CACFD1: variants seen among roughly 807,000 people sequenced by gnomAD.
CACFD1 encodes calcium channel flower domain containing 1.
In CACFD1, 26 loss-of-function variants were observed where a neutral mutation model predicts 21.3. That is an observed-to-expected ratio of 1.22 (90% CI 0.89 to 1.69). The LOEUF (loss-of-function observed/expected upper bound fraction) is 1.69, where lower values mean the gene tolerates loss of function less well. Ranked by LOEUF, CACFD1 falls within the 40% of genes most tolerant of loss-of-function variation. The pLI, the probability that CACFD1 is intolerant of heterozygous loss-of-function variation, is 0.00. For synonymous variants in CACFD1, 121 were observed against 106.6 expected, an observed-to-expected ratio of 1.13 and a Z score of -0.83; for missense variants, 265 against 236.2, an observed-to-expected ratio of 1.12 and a Z score of -0.80.
At chr9:133,460,471 C>G (rs868479457) in intron 1 of CACFD1, among the ~76,000 whole-genome samples, 1 of 125,892 alleles carries the variant, frequency 7.9e-6, no homozygotes, top group African/African-American at 2.9e-5. Context: ...GGCGGGGGGG[C>G]GGCGGGGGCG....
In CACFD1 at chr9:133,468,846, T is replaced by C. The variant is rs759338704; in HGVS notation, c.*193T>C. Reference sequence around the variant, plus strand: ...TGGCTGCTGGTGTGAGGGTCTGGGCTGCTGGACTTGAGGCAGAGCCTGCAG... The same window carrying C: ...TGGCTGCTGGTGTGAGGGTCTGGGCCGCTGGACTTGAGGCAGAGCCTGCAG... On this transcript the variant is annotated 3_prime_UTR_variant, in exon 5 of 5. Transcript: ENST00000316948. The C allele has an allele frequency of 1.4e-4, 136 of 959,588 alleles. 2 individuals carry two copies. The highest frequency in any genetic ancestry group is 1.8e-4 in the Non-Finnish European group (119 of 673,514). 59.4% of individuals were successfully genotyped at this position (959,588 alleles called of 1,614,324 possible). A position where few individuals can be genotyped will look rare whatever the true frequency, so the allele number is the denominator to read the frequency against.
At chr9:133,466,048 A>G (rs1843423553) in intron 3 of CACFD1, among the ~76,000 whole-genome samples, 1 of 152,180 alleles carries the variant, frequency 6.6e-6, no homozygotes, top group East Asian at 1.9e-4. Flanking sequence ...TGGCAGCTGT[A>G]TTCATTATTG....
intron 2 of CACFD1, among the ~76,000 whole-genome samples, chr9:133,464,593 G>A (rs1843357087): frequency 6.6e-6 from 1 of 152,142 alleles, no homozygotes; most frequent in African/African-American, 2.4e-5. Context: ...TTTCTCCCAG[G>A]CCTGGGGACA....
intron 4 of CACFD1, 113 bp downstream of exon 4, chr9:133,468,141 G>A (rs1039137159): frequency 6.7e-6 from 7 of 1,047,528 alleles, no homozygotes; most frequent in Non-Finnish European, 9.7e-6. Context: ...GACCGAGGCA[G>A]AGGTCCCAGT....
At position 133,465,465 on chromosome 9, in the gene CACFD1, A is replaced by G. The variant is rs782674226; in HGVS notation, c.320+18A>G. On this transcript the variant is annotated intron_variant, in intron 3 of 4. Coordinates refer to ENST00000316948, the MANE Select transcript of CACFD1 (RefSeq NM_017586.5). The surrounding 1 kb of genome is among the most constrained non-coding windows in gnomAD (Gnocchi z 5.0). Reference sequence around the variant, plus strand: ...TACTGCGGGTGAGGGGTTGCTGGGCAGGGTCCCGTGACACAGTTCCCCAAA... The same window carrying G: ...TACTGCGGGTGAGGGGTTGCTGGGCGGGGTCCCGTGACACAGTTCCCCAAA... 1.9e-6 allele frequency: 3 copies of G among 1,595,574 alleles called. No homozygotes were observed. Among genetic ancestry groups the G allele is most frequent in the East Asian group, 4.5e-5 (2 of 44,702 alleles).
In CACFD1 at chr9:133,465,231, G is replaced by C; in HGVS notation, c.195-91G>C. ...GGGATGAGGGCAGGAGGGTGAGGGA[G>C]GTGGCATTCCTTATGGCACTGGCAC... On this transcript the variant is annotated intron_variant, in intron 2 of 4. Coordinates refer to ENST00000316948, the MANE Select transcript of CACFD1 (RefSeq NM_017586.5). This position sits in a 1 kb window ranked among gnomAD's most constrained non-coding sequence, Gnocchi z 5.0. 1 of 1,447,760 alleles carries C rather than the reference G, an allele frequency of 6.9e-7. No homozygotes were observed. Among genetic ancestry groups the C allele is most frequent in the South Asian group, 1.1e-5 (1 of 87,442 alleles). The allele number at this position is 1,447,760 out of a possible 1,614,324, so 89.7% of individuals were successfully genotyped here.
At position 133,465,798 on chromosome 9, in the gene CACFD1, T is replaced by A. The variant is rs1423773540; in HGVS notation, c.320+351T>A. The A allele has an allele frequency of 2.0e-5, 4 of 201,800 alleles. No homozygotes were observed. The highest frequency in any genetic ancestry group is 9.3e-5 in the African/African-American group (4 of 42,846). 12.5% of individuals were successfully genotyped at this position (201,800 alleles called of 1,614,324 possible). A position where few individuals can be genotyped will look rare whatever the true frequency, so the allele number is the denominator to read the frequency against. ...TGATAGTAGGTCTGTAGGACATGTT[T>A]CTCTGCAGCCTTTCCGAAGAGTGGG... is the stretch of plus-strand genomic sequence containing the variant. On this transcript the variant is annotated intron_variant, in intron 3 of 4. Coordinates refer to ENST00000316948, the MANE Select transcript of CACFD1 (RefSeq NM_017586.5). This position sits in a 1 kb window ranked among gnomAD's most constrained non-coding sequence, Gnocchi z 5.0.
intron 3 of CACFD1, 67 bp from the exon 4 acceptor site, chr9:133,467,853 TG>T: frequency 8.5e-7 from 1 of 1,180,994 alleles, no homozygotes. Flanking sequence ...GGGCCGAGTC[TG>T]GGAAGCGGGG....
chr9:133,460,193 T>C lies in CACFD1; in HGVS notation c.121+6T>C, dbSNP rs1164646713. On this transcript the variant is annotated splice_donor_region_variant and intron_variant, in intron 1 of 4. Coordinates refer to ENST00000316948, the MANE Select transcript of CACFD1 (RefSeq NM_017586.5). Reference sequence around the variant, plus strand: ...TGGGGTGCTGGGGGCAGTCTGTGAGTATCCAGTCGGGGAGAGGGGCCGGCC... The same window carrying C: ...TGGGGTGCTGGGGGCAGTCTGTGAGCATCCAGTCGGGGAGAGGGGCCGGCC... 1.3e-6 allele frequency: 2 copies of C among 1,534,464 alleles called. No homozygotes were observed. The highest frequency in any genetic ancestry group is 1.2e-5 in the South Asian group (1 of 82,912).
Position 133,463,699 on chromosome 9 carries a change from C to T in CACFD1, c.194+144C>T, listed in dbSNP as rs782170880. The stretch of plus-strand genomic sequence containing the variant: ...GCTACTGGCTCCAGCCTGGGTGCCT[C>T]GGGCATGTGAGTTTCTGGCCACAGC... On this transcript the variant is annotated intron_variant, in intron 2 of 4. Coordinates refer to ENST00000316948, the MANE Select transcript of CACFD1 (RefSeq NM_017586.5). 5.8e-5 allele frequency: 45 copies of T among 781,194 alleles called. 1 individual carries two copies. Among genetic ancestry groups the T allele is most frequent in the South Asian group, 5.7e-4 (35 of 61,642 alleles). 48.4% of individuals were successfully genotyped at this position (781,194 alleles called of 1,614,324 possible). A position where few individuals can be genotyped will look rare whatever the true frequency, so the allele number is the denominator to read the frequency against.
intron 2 of CACFD1, among the ~76,000 whole-genome samples, chr9:133,463,901 C>T (rs184179585): frequency 2.0e-5 from 3 of 152,326 alleles, no homozygotes; most frequent in Non-Finnish European, 4.4e-5. Flanking sequence ...CTGGGGCCCT[C>T]GCCCTCTGGG....
intron 2 of CACFD1, among the ~76,000 whole-genome samples, chr9:133,464,390 G>A (rs1266724674): frequency 6.6e-6 from 1 of 152,170 alleles, no homozygotes; most frequent in Admixed American, 6.5e-5. Flanking sequence ...GGGTGGAGTC[G>A]GAGCCTGGCC....
intron 3 of CACFD1, 32 bp from the exon 4 acceptor site, chr9:133,467,889 G>A (rs202238292): frequency 2.7e-4 from 403 of 1,498,176 alleles, no homozygotes; most frequent in Middle Eastern, 6.9e-4. Context: ...TGTGGGGCCG[G>A]AGTGCCCCCT....
At chr9:133,464,445 C>G (rs1441771755) in intron 2 of CACFD1, among the ~76,000 whole-genome samples, 1 of 152,084 alleles carries the variant, frequency 6.6e-6, no homozygotes, top group Non-Finnish European at 1.5e-5. Flanking sequence ...TGAGCCCGTG[C>G]TTGGAGGCCT....
chr9:133,460,388 G>A (rs587739057), intron 1 of CACFD1, among the ~76,000 whole-genome samples: 1 of 143,592 alleles, frequency 7.0e-6, no homozygotes, highest in South Asian at 2.3e-4. Flanking sequence ...GCTCGGGCCT[G>A]GGCGCCTTGG....
intron 2 of CACFD1, among the ~76,000 whole-genome samples, chr9:133,464,467 G>A (rs1843350076): frequency 6.6e-6 from 1 of 152,134 alleles, no homozygotes; most frequent in Admixed American, 6.5e-5. Context: ...GTGTGTGGGA[G>A]GCTCGGGGCG....
chr9:133,466,123 T>C (rs1843426262), intron 3 of CACFD1, among the ~76,000 whole-genome samples: 1 of 152,176 alleles, frequency 6.6e-6, no homozygotes. Context: ...GGCCCGGTAG[T>C]TTTGATGGTA....
At chr9:133,462,752 G>A (rs782399352) in intron 1 of CACFD1, among the ~76,000 whole-genome samples, 1 of 152,218 alleles carries the variant, frequency 6.6e-6, no homozygotes, top group Admixed American at 6.5e-5. Flanking sequence ...GGGCGTCAAG[G>A]CTGCACATCT....
chr9:133,466,086 G>C (rs1246219323), intron 3 of CACFD1, among the ~76,000 whole-genome samples: 1 of 152,180 alleles, frequency 6.6e-6, no homozygotes, highest in African/African-American at 2.4e-5. Context: ...AAGAAGTCTA[G>C]ATGCAAGCTT....
Sources: gnomAD v4.1 joint callset for allele counts (sites outside exome capture counted in the v4.1 genomes callset) on GRCh38, gnomAD v4.1.1 for gene constraint, Gnocchi (gnomAD v3.1) non-coding constraint, MANE v1.5 for transcripts, NCBI Gene and HGNC (gene_info 2026-07-23, HGNC 2026-07-21) for gene names.